Variants in SEMA4A observed in about 807,000 individuals in gnomAD.
SEMA4A encodes semaphorin-4A.
SEMA4A carries 52 observed loss-of-function variants against 72.5 expected under a neutral mutation model. That is an observed-to-expected ratio of 0.72 (90% CI 0.57 to 0.90). SEMA4A has a LOEUF of 0.90. Among genes scored for constraint, SEMA4A ranks in the 40% least tolerant of loss-of-function variants. The pLI is 0.00. For synonymous variants in SEMA4A, 369 were observed against 393.1 expected (o/e 0.94, Z 0.73); for missense variants, 926 against 959.7 (o/e 0.96, Z 0.46).
At position 156,158,479 on chromosome 1, in the gene SEMA4A, C is replaced by T; in HGVS notation, c.455C>T (p.Thr152Ile). 2.5e-6 allele frequency: 4 copies of T among 1,611,930 alleles called. No individual in the cohort carries two copies. Among genetic ancestry groups the T allele is most frequent in the Non-Finnish European group, 3.4e-6 (4 of 1,178,018 alleles). The change falls in exon 5 of 15, where the codon ACC (threonine) becomes ATC (isoleucine). Residue 152 changes from threonine (T) to isoleucine (I), a missense_variant. Coordinates refer to ENST00000368285, the MANE Select transcript of SEMA4A (RefSeq NM_022367.4). Reference protein sequence around the residue: ...CGTFAFSPACTFIELQDSYLL... With the variant: ...CGTFAFSPACIFIELQDSYLL... The stretch of plus-strand genomic sequence containing the variant: ...ACCTTCGCCTTCAGCCCTGCTTGTA[C>T]CTTCATTGTGAGTTCTCTGGTGCCC...
At chr1:156,166,236 T>C (rs1190344349) in intron 10 of SEMA4A, among the ~76,000 whole-genome samples, 1 of 152,078 alleles carries the variant, frequency 6.6e-6, no homozygotes, top group Non-Finnish European at 1.5e-5. Context: ...AGAAACTAGG[T>C]TTCACCATGT....
rs569822901 is a variant in SEMA4A, at chr1:156,177,123, G to C, written c.*126G>C. 1 of 831,950 alleles carries C rather than the reference G, an allele frequency of 1.2e-6. No homozygotes were observed. The highest frequency in any genetic ancestry group is 2.6e-5 in the East Asian group (1 of 37,980). 51.5% of individuals were successfully genotyped at this position (831,950 alleles called of 1,614,324 possible). On this transcript the variant is annotated 3_prime_UTR_variant, in exon 15 of 15. Coordinates refer to ENST00000368285, the MANE Select transcript of SEMA4A (RefSeq NM_022367.4). ...CCTTTCTCCCCTGAGAGGAGCTTCTGCTACTCTGCATCACTGATGACACTC... is the reference window on the plus strand; with the variant it reads ...CCTTTCTCCCCTGAGAGGAGCTTCTCCTACTCTGCATCACTGATGACACTC...
At chr1:156,171,687 C>T (rs942983682) in intron 10 of SEMA4A, among the ~76,000 whole-genome samples, 6 of 152,278 alleles carry the variant, frequency 3.9e-5, no homozygotes, top group Admixed American at 1.3e-4. Flanking sequence ...AGTGATTCTC[C>T]TGCCTCAGCT....
rs758327026 is a variant in SEMA4A, at chr1:156,175,262, T to C, written c.1592+19T>C. 5 of 1,601,846 alleles carry C rather than the reference T, an allele frequency of 3.1e-6. No homozygotes were observed. Among genetic ancestry groups the C allele is most frequent in the Non-Finnish European group, 4.3e-6 (5 of 1,173,354 alleles). ...CCAACCTGTGAGTGCCAGTCCTGGATGGTGGCCTGGATGGCCAGCCAGGAC... is the reference window on the plus strand; with the variant it reads ...CCAACCTGTGAGTGCCAGTCCTGGACGGTGGCCTGGATGGCCAGCCAGGAC... On this transcript the variant is annotated intron_variant, in intron 13 of 14. Coordinates refer to ENST00000368285, the MANE Select transcript of SEMA4A (RefSeq NM_022367.4).
chr1:156,165,907 CTTTTT>C (rs71080751), intron 10 of SEMA4A, among the ~76,000 whole-genome samples: 1 of 112,948 alleles, frequency 8.9e-6, no homozygotes, highest in Non-Finnish European at 1.7e-5. Flanking sequence ...TTCCTATCTT[CTTTTT>C]TTTTTTTTTT....
Position 156,157,308 on chromosome 1 carries a change from T to C in SEMA4A, c.300+734T>C, listed in dbSNP as rs1035396763. ...TTCAAGCAATTCTGCCTCAGTCTCC[T>C]GAGTAGCTGGGATTACAGGCGCCCG... On this transcript the variant is annotated intron_variant, in intron 3 of 14. Transcript: ENST00000368285. This position sits in a 1 kb window ranked among gnomAD's most constrained non-coding sequence, Gnocchi z 4.5. Among the ~76,000 whole-genome samples, 1 of 152,004 alleles carries C rather than the reference T, an allele frequency of 6.6e-6. No individual in the cohort carries two copies. The highest frequency in any genetic ancestry group is 1.5e-5 in the Non-Finnish European group (1 of 67,976).
rs755714431 is a variant in SEMA4A, at chr1:156,156,586, A to G, written c.300+12A>G. The G allele has an allele frequency of 8.7e-6, 14 of 1,613,452 alleles. No homozygotes were observed. The highest frequency in any genetic ancestry group is 5.0e-5 in the Admixed American group (3 of 59,974). ...GGCTAAAGAACATGGTGAGGAGTCCAGGGATAAAGAGTGTGGGCTGGGAGT... is the reference window on the plus strand; with the variant it reads ...GGCTAAAGAACATGGTGAGGAGTCCGGGGATAAAGAGTGTGGGCTGGGAGT... On this transcript the variant is annotated intron_variant, in intron 3 of 14. Coordinates refer to ENST00000368285, the MANE Select transcript of SEMA4A (RefSeq NM_022367.4).
chr1:156,156,718 T>C lies in SEMA4A; in HGVS notation c.300+144T>C. On this transcript the variant is annotated intron_variant, in intron 3 of 14. Transcript: ENST00000368285. ...TCTTTATATGTATATCGTGACAATATAACAGACAGGAAATGTCGTGGCCTC... is the reference window on the plus strand; with the variant it reads ...TCTTTATATGTATATCGTGACAATACAACAGACAGGAAATGTCGTGGCCTC... 3.9e-6 allele frequency: 3 copies of C among 777,338 alleles called. No homozygotes were observed. In the South Asian group the frequency reaches 5.1e-5, roughly 13 times the overall value. 48.2% of individuals were successfully genotyped at this position (777,338 alleles called of 1,614,324 possible).
At chr1:156,155,511 T>A (rs1208716575) in intron 2 of SEMA4A, 5 of 152,834 alleles carry the variant, frequency 3.3e-5, no homozygotes, top group African/African-American at 4.8e-5. Flanking sequence ...AGACCATCAA[T>A]ACAGGGTGAT....
chr1:156,177,650 C>G lies in SEMA4A; in HGVS notation c.*653C>G, dbSNP rs1655473360. 6.4e-6 allele frequency: 1 copy of G among 156,498 alleles called. No individual in the cohort carries two copies. The highest frequency in any genetic ancestry group is 2.4e-5 in the African/African-American group (1 of 41,438). The allele number at this position is 156,498 out of a possible 1,614,324, so 9.7% of individuals were successfully genotyped here. On this transcript the variant is annotated 3_prime_UTR_variant, in exon 15 of 15. Coordinates refer to ENST00000368285, the MANE Select transcript of SEMA4A (RefSeq NM_022367.4). ...TTCTTCACTCCTTTACCCTAGCTGA[C>G]CCCTTCACCTCTCCCCCTCCCTTTT...
intron 10 of SEMA4A, 65 bp from the exon 11 acceptor site, chr1:156,172,761 G>A (rs934364307): frequency 6.9e-6 from 10 of 1,441,092 alleles, no homozygotes; most frequent in South Asian, 3.4e-5. Context: ...AAGAGCAGGC[G>A]TTGGAGGGAG....
intron 9 of SEMA4A, among the ~76,000 whole-genome samples, chr1:156,162,593 G>T (rs1469047384): frequency 6.6e-6 from 1 of 152,274 alleles, no homozygotes; most frequent in Admixed American, 6.5e-5. Flanking sequence ...AGAGGGGTTT[G>T]TGTGGAGCCA....
At chr1:156,148,638 T>C (rs1367452275), upstream of SEMA4A, among the ~76,000 whole-genome samples, 1 of 152,144 alleles carries the variant, frequency 6.6e-6, no homozygotes, top group Non-Finnish European at 1.5e-5. Context: ...CATTATTTTA[T>C]GGATGTGAGG....
In SEMA4A at chr1:156,175,564, G is replaced by A; in HGVS notation, c.1601G>A (p.Trp534Ter). 6.2e-7 allele frequency: 1 copy of A among 1,613,112 alleles called. No individual in the cohort carries two copies. Among genetic ancestry groups the A allele is most frequent in the Non-Finnish European group, 8.5e-7 (1 of 1,179,354 alleles). The change falls in exon 14 of 15, where the codon TGG becomes TAG. Residue 534 changes from tryptophan (W) to a stop codon, truncating the protein, a stop_gained. Coordinates refer to ENST00000368285, the MANE Select transcript of SEMA4A (RefSeq NM_022367.4). LOFTEE classifies it high-confidence loss of function. ...CLLSAPNLNS[W>*]KQDMERGNPE... ...TTTCTCTGCTCTCTTAGGAACTCCT[G>A]GAAGCAGGACATGGAGCGGGGGAAC...
intron 6 of SEMA4A, 172 bp downstream of exon 6, chr1:156,158,996 T>C (rs1572395331): frequency 1.5e-6 from 1 of 667,678 alleles, no homozygotes; most frequent in East Asian, 2.8e-5. Flanking sequence ...GTTTAGGGGT[T>C]TGAGTCTAGC....
rs761940603 is a variant in SEMA4A at position 156,154,676 on chromosome 1, G to C, written c.98G>C (p.Gly33Ala). The change falls in exon 2 of 15, where the codon GGA becomes GCA. Residue 33 changes from glycine (G) to alanine (A), a missense_variant. Transcript: ENST00000368285. ...CTGCTGCCGACGACGACCGCGGGGG[G>C]AGGCGGGCAGGGGCCCATGCCCAGG... is the stretch of plus-strand genomic sequence containing the variant. ...QLLLPTTTAG[G>A]GGQGPMPRVR... 6.3e-7 allele frequency: 1 copy of C among 1,598,232 alleles called. No homozygotes were observed. The highest frequency in any genetic ancestry group is 8.5e-7 in the Non-Finnish European group (1 of 1,172,966).
intron 3 of SEMA4A, 29 bp downstream of exon 3, chr1:156,156,603 G>T (rs764913994): frequency 6.1e-5 from 99 of 1,612,690 alleles, no homozygotes; most frequent in Non-Finnish European, 7.8e-5. Context: ...AAGAGTGTGG[G>T]CTGGGAGTGA....
chr1:156,161,545 G>T (rs1182214896), intron 9 of SEMA4A, 27 bp downstream of exon 9: 1 of 1,612,458 alleles, frequency 6.2e-7, no homozygotes, highest in Admixed American at 1.7e-5. Flanking sequence ...GACCATGGGG[G>T]CTGGACACGG....
In SEMA4A at chr1:156,163,003, G is replaced by GT. The variant is rs1462866804; in HGVS notation, c.1044dup (p.Val349CysfsTer3). On this transcript the variant is annotated frameshift_variant, in exon 10 of 15. Coordinates refer to ENST00000368285, the MANE Select transcript of SEMA4A (RefSeq NM_022367.4). LOFTEE classifies it high-confidence loss of function. ...GCCTTCTCTCTCTTGGACATTGAAC[G>GT]TGTCTTTAAGGGGAAATACAAAGAG... 1 of 1,614,000 alleles carries GT rather than the reference G, an allele frequency of 6.2e-7. No homozygotes were observed. Among genetic ancestry groups the GT allele is most frequent in the Non-Finnish European group, 8.5e-7 (1 of 1,180,030 alleles).
Sources: allele counts gnomAD v4.1 joint callset (sites outside exome capture counted in the v4.1 genomes callset), GRCh38; gene constraint gnomAD v4.1.1; non-coding constraint Gnocchi (gnomAD v3.1); transcripts MANE v1.5; gene names NCBI Gene and HGNC (gene_info 2026-07-23, HGNC 2026-07-21).